The following PATL1 variants were observed in gnomAD, a reference collection of about 807,000 sequenced individuals.
The protein encoded by PATL1 is protein PAT1 homolog 1.
In PATL1, 32 loss-of-function variants were observed where a neutral mutation model predicts 100.6. The observed-to-expected ratio is 0.32, with a 90% CI of 0.24 to 0.43. The LOEUF (loss-of-function observed/expected upper bound fraction) is 0.43, where lower values mean the gene tolerates loss of function less well. PATL1 is among the 20% of genes least tolerant of loss of function. The pLI is 1.00. For missense variants in PATL1, 747 were observed against 949.9 expected, an observed-to-expected ratio of 0.79 and a Z score of 2.81; for synonymous variants, 332 against 330.0, an observed-to-expected ratio of 1.01 and a Z score of -0.07.
intron 2 of PATL1, among the ~76,000 whole-genome samples, chr11:59,661,824 C>A (rs1338160377): frequency 6.6e-6 from 1 of 152,202 alleles, no homozygotes; most frequent in African/African-American, 2.4e-5. Flanking sequence ...TGCATGCACA[C>A]AGGCATAACT....
At chr11:59,646,034 A>C (rs1011908704) in intron 15 of PATL1, among the ~76,000 whole-genome samples, 1 of 152,180 alleles carries the variant, frequency 6.6e-6, no homozygotes, top group African/African-American at 2.4e-5. Context: ...CTTATCTTTT[A>C]GCACCTAGAA....
chr11:59,642,862 T>A lies in PATL1; in HGVS notation c.2049+18A>T. On this transcript the variant is annotated intron_variant, in intron 16 of 18. Coordinates refer to ENST00000300146, the MANE Select transcript of PATL1 (RefSeq NM_152716.3). ...AAGACATTTCACAAAGTTCAAGGAG[T>A]TAAAAGGGCAAGATCACCTTGTTCT... The A allele has an allele frequency of 6.2e-7, 1 of 1,602,788 alleles. No individual in the cohort carries two copies. Among genetic ancestry groups the A allele is most frequent in the Non-Finnish European group, 8.5e-7 (1 of 1,173,956 alleles).
chr11:59,654,148 G>C, intron 8 of PATL1, 76 bp from the exon 9 acceptor site: 2 of 1,259,130 alleles, frequency 1.6e-6, no homozygotes, highest in Non-Finnish European at 2.3e-6. Flanking sequence ...TGTCAGTAGA[G>C]GATAACTTCA....
chr11:59,645,620 G>A (rs1861354006), intron 15 of PATL1, among the ~76,000 whole-genome samples: 1 of 151,964 alleles, frequency 6.6e-6, no homozygotes, highest in Non-Finnish European at 1.5e-5. Context: ...CCAATTTTCT[G>A]AATAGTGGGT....
intron 10 of PATL1, 37 bp from the exon 11 acceptor site, chr11:59,652,624 A>G: frequency 6.2e-7 from 1 of 1,605,762 alleles, no homozygotes; most frequent in Middle Eastern, 1.7e-4. Context: ...TAACACAAGC[A>G]CAGAACACGA....
rs779888125 is a variant in PATL1, at chr11:59,652,424, A to G, written c.1426+40T>C. Reference sequence around the variant, plus strand: ...TTTAATCACATCAGCAGCTTCTCAAATTTCTTTTATTATGGGCATTTTTCT... The same window carrying G: ...TTTAATCACATCAGCAGCTTCTCAAGTTTCTTTTATTATGGGCATTTTTCT... On this transcript the variant is annotated intron_variant, in intron 11 of 18. Coordinates refer to ENST00000300146, the MANE Select transcript of PATL1 (RefSeq NM_152716.3). The G allele has an allele frequency of 5.1e-6, 8 of 1,580,998 alleles. No homozygotes were observed. The Admixed American group carries it at 1.6e-4, about 31-fold the overall frequency.
rs963039189 is a variant in PATL1 at position 59,655,819 on chromosome 11, T to TTTC, written c.814-82_814-80dup. ...TTGTCTACAGAAAAGTGAATACGGT[T>TTTC]TTCCATCAATAACTTTGTTTGAAAA... is the stretch of plus-strand genomic sequence containing the variant. On this transcript the variant is annotated intron_variant, in intron 7 of 18. Transcript: ENST00000300146. The TTTC allele has an allele frequency of 2.0e-5, 29 of 1,418,524 alleles. No homozygotes were observed. In the African/African-American group the frequency reaches 3.9e-4, roughly 19 times the overall value. The allele number at this position is 1,418,524 out of a possible 1,614,324, so 87.9% of individuals were successfully genotyped here.
At chr11:59,638,828 G>A (rs772562453) in intron 18 of PATL1, among the ~76,000 whole-genome samples, 4 of 152,024 alleles carry the variant, frequency 2.6e-5, no homozygotes, top group Non-Finnish European at 4.4e-5. Flanking sequence ...TTACAGGCAT[G>A]CACCACCGCA....
intron 9 of PATL1, 135 bp downstream of exon 9, chr11:59,653,848 G>T: frequency 1.5e-6 from 1 of 682,980 alleles, no homozygotes. Flanking sequence ...ATATTTACAT[G>T]TTGATAATAC....
At chr11:59,652,180 G>T (rs1352979512) in intron 11 of PATL1, among the ~76,000 whole-genome samples, 1 of 146,930 alleles carries the variant, frequency 6.8e-6, no homozygotes, top group Non-Finnish European at 1.5e-5. Context: ...ATAAAAATCT[G>T]AAGTATTTCC....
chr11:59,658,750 G>C, intron 4 of PATL1, 116 bp downstream of exon 4: 2 of 742,790 alleles, frequency 2.7e-6, no homozygotes, highest in Non-Finnish European at 4.4e-6. Context: ...TGCAGTAGTC[G>C]ACATAATTCT....
Position 59,650,819 on chromosome 11 carries a change from A to G in PATL1, c.1525-6T>C, listed in dbSNP as rs751745060. On this transcript the variant is annotated splice_region_variant and splice_polypyrimidine_tract_variant and intron_variant, in intron 12 of 18. Transcript: ENST00000300146. ...ACTTGTTTTTCTTTTGTCTCCTAAA[A>G]AAGAGAAGACTATTCAATGCAAATT... is the stretch of plus-strand genomic sequence containing the variant. 7 of 1,544,152 alleles carry G rather than the reference A, an allele frequency of 4.5e-6. No individual in the cohort carries two copies. The African/African-American group carries it at 8.2e-5, about 18-fold the overall frequency.
At chr11:59,668,254 A>C (rs1008748108) in intron 1 of PATL1, among the ~76,000 whole-genome samples, 1 of 152,188 alleles carries the variant, frequency 6.6e-6, no homozygotes, top group Non-Finnish European at 1.5e-5. Flanking sequence ...CAGGGTCAGT[A>C]CTGTCTGCTG....
Position 59,637,983 on chromosome 11 carries a change from T to C in PATL1, c.*407A>G. 1 of 226,488 alleles carries C rather than the reference T, an allele frequency of 4.4e-6. No individual in the cohort carries two copies. 14.0% of individuals were successfully genotyped at this position (226,488 alleles called of 1,614,324 possible). On this transcript the variant is annotated 3_prime_UTR_variant, in exon 19 of 19. Transcript: ENST00000300146. ...TACTTAATTGGCTCTTCTATAGTCA[T>C]ATTAATATGGGGCAATGAAAAAACA...
chr11:59,658,254 C>G (rs1197019947), intron 4 of PATL1, among the ~76,000 whole-genome samples: 1 of 152,046 alleles, frequency 6.6e-6, no homozygotes, highest in Non-Finnish European at 1.5e-5. Flanking sequence ...GTTAACGCCT[C>G]CTGCCATGTC....
At chr11:59,649,717 G>C in intron 13 of PATL1, 107 bp from the exon 14 acceptor site, 1 of 1,149,534 alleles carries the variant, frequency 8.7e-7, no homozygotes, top group South Asian at 1.9e-5. Context: ...ACTCATTATA[G>C]AAAGACTGAG....
chr11:59,654,109 T>C, intron 8 of PATL1, 37 bp from the exon 9 acceptor site: 4 of 1,525,010 alleles, frequency 2.6e-6, no homozygotes, highest in Non-Finnish European at 2.7e-6. Context: ...AGTTTGGTCA[T>C]CCTGATGACT....
At chr11:59,665,948 C>G (rs17154005) in intron 2 of PATL1, among the ~76,000 whole-genome samples, 14,197 of 152,154 alleles carry the variant, frequency 0.093, 1,199 homozygotes, top group African/African-American at 0.22. Flanking sequence ...TGGCCTGTAA[C>G]CTTAGTTTGG....
chr11:59,654,722 T>C (rs1284138011), intron 8 of PATL1, among the ~76,000 whole-genome samples: 3 of 152,184 alleles, frequency 2.0e-5, no homozygotes, highest in African/African-American at 7.2e-5. Flanking sequence ...ATTAAAGATA[T>C]ATGTGTGACA....
Sources: gnomAD v4.1 joint callset for allele counts (sites outside exome capture counted in the v4.1 genomes callset) on GRCh38, gnomAD v4.1.1 for gene constraint, MANE v1.5 for transcripts, NCBI Gene and HGNC (gene_info 2026-07-23, HGNC 2026-07-21) for gene names.